Variants in AQP2 observed in about 807,000 individuals in gnomAD.
The protein encoded by AQP2 is aquaporin-2.
AQP2 carries 20 observed loss-of-function variants against 21.6 expected under a neutral mutation model. The observed-to-expected ratio is 0.92, with a 90% CI of 0.65 to 1.34. The LOEUF is 1.34. Among genes scored for constraint, AQP2 ranks in the 40% most tolerant of loss-of-function variants. AQP2 has a pLI of 0.00. For synonymous variants in AQP2, 168 were observed against 166.9 expected (o/e 1.01, Z -0.05); for missense variants, 325 against 363.4 (o/e 0.89, Z 0.86).
At chr12:49,955,049 G>T (rs1436446844) in intron 3 of AQP2, among the ~76,000 whole-genome samples, 2 of 152,204 alleles carry the variant, frequency 1.3e-5, no homozygotes, top group Non-Finnish European at 2.9e-5. Context: ...GGTGAGCCTT[G>T]TTCTGAGTGC....
chr12:49,952,321 T>C (rs532268541), intron 1 of AQP2, among the ~76,000 whole-genome samples: 1 of 152,188 alleles, frequency 6.6e-6, no homozygotes, highest in African/African-American at 2.4e-5. Context: ...TTGGTAAGGC[T>C]GGTTTCAAAC....
chr12:49,952,671 C>T (rs1419324901), intron 1 of AQP2, among the ~76,000 whole-genome samples: 1 of 152,210 alleles, frequency 6.6e-6, no homozygotes, highest in East Asian at 1.9e-4. Context: ...GACTGGGGCC[C>T]TCAGAAGAGA....
chr12:49,952,792 G>T (rs773333644), intron 1 of AQP2, among the ~76,000 whole-genome samples: 7 of 152,162 alleles, frequency 4.6e-5, no homozygotes, highest in South Asian at 2.1e-4. Flanking sequence ...CTTGCTCTGA[G>T]GCTAAGGAGA....
intron 1 of AQP2, among the ~76,000 whole-genome samples, chr12:49,952,440 T>TGGGGGCC (rs1261432668): frequency 6.6e-6 from 1 of 152,096 alleles, no homozygotes; most frequent in African/African-American, 2.4e-5. Context: ...ATGACAAGGC[T>TGGGGGCC]GGGGGCCAGG....
At chr12:49,954,102 C>T (rs1947348376) in intron 1 of AQP2, 53 bp from the exon 2 acceptor site, 2 of 1,595,148 alleles carry the variant, frequency 1.3e-6, no homozygotes, top group Admixed American at 1.7e-5. Flanking sequence ...AAGATGGAGC[C>T]AGAGAGGAAA....
chr12:49,954,530 G>T, intron 2 of AQP2, 100 bp from the exon 3 acceptor site: 2 of 1,409,624 alleles, frequency 1.4e-6, no homozygotes, highest in Non-Finnish European at 1.0e-6. Context: ...CCATCACGTG[G>T]GTTCCCTTTA....
intron 3 of AQP2, 72 bp from the exon 4 acceptor site, chr12:49,955,327 C>G: frequency 6.8e-7 from 1 of 1,478,492 alleles, no homozygotes. Flanking sequence ...GCAGAGTGTG[C>G]CGCCGGGGCC....
chr12:49,955,386 C>T lies in AQP2; in HGVS notation c.607-13C>T, dbSNP rs1209049438. On this transcript the variant is annotated splice_polypyrimidine_tract_variant and intron_variant, in intron 3 of 3. Coordinates refer to ENST00000199280, the MANE Select transcript of AQP2 (RefSeq NM_000486.6). The stretch of plus-strand genomic sequence containing the variant: ...GGCGCGGGTGCCAAGCCGCCCTCTC[C>T]GCTCGCCCCCAGGTCTTCTGGATCG... The T allele has an allele frequency of 6.2e-7, 1 of 1,610,312 alleles. No individual in the cohort carries two copies. Among genetic ancestry groups the T allele is most frequent in the South Asian group, 1.1e-5 (1 of 90,904 alleles).
Position 49,955,797 on chromosome 12 carries a change from C to T in AQP2, c.*189C>T, listed in dbSNP as rs1235608078. ...GGAGGCTGCCGGAGGGAGCCCTGAG[C>T]CTGGCAGGTCCCCTGCCCTGAGGCT... On this transcript the variant is annotated 3_prime_UTR_variant, in exon 4 of 4. Transcript: ENST00000199280. The T allele has an allele frequency of 3.7e-6, 3 of 802,686 alleles. No homozygotes were observed. In the Admixed American group the frequency reaches 6.1e-5, roughly 16 times the overall value. 49.7% of individuals were successfully genotyped at this position (802,686 alleles called of 1,614,324 possible).
intron 1 of AQP2, among the ~76,000 whole-genome samples, chr12:49,953,308 C>T (rs2137146532): frequency 6.6e-6 from 1 of 152,292 alleles, no homozygotes; most frequent in African/African-American, 2.4e-5. Flanking sequence ...TGTCACTGTT[C>T]CACCCAGTGC....
In AQP2 at chr12:49,958,197, C is replaced by T. The variant is rs1464879084; in HGVS notation, c.*2589C>T. 2 of 152,220 alleles carry T rather than the reference C, an allele frequency of 1.3e-5. No homozygotes were observed. Among genetic ancestry groups the T allele is most frequent in the East Asian group, 1.9e-4 (1 of 5,198 alleles). The allele number at this position is 152,220 out of a possible 1,614,324, so 9.4% of individuals were successfully genotyped here. On this transcript the variant is annotated 3_prime_UTR_variant, in exon 4 of 4. Transcript: ENST00000199280. ...TGCTATTTCCAAAGCTTCCCCTTAT[C>T]GTCCCCTGTGATTATCTCCCAACCC...
At chr12:49,953,996 A>T in intron 1 of AQP2, 159 bp from the exon 2 acceptor site, 1 of 1,048,594 alleles carries the variant, frequency 9.5e-7, no homozygotes, top group Non-Finnish European at 1.4e-6. Flanking sequence ...GCCCAGGAAG[A>T]AGGGATCAGT....
intron 1 of AQP2, among the ~76,000 whole-genome samples, chr12:49,953,225 G>A (rs1369933608): frequency 6.6e-6 from 1 of 152,326 alleles, no homozygotes; most frequent in Non-Finnish European, 1.5e-5. Flanking sequence ...AGAGACCCAA[G>A]GGTTCTGACC....
rs144253988 is a variant in AQP2, at chr12:49,951,169, C to T, written c.339C>T (p.Arg113=). 2.3e-5 allele frequency: 37 copies of T among 1,605,470 alleles called. No individual in the cohort carries two copies. Among genetic ancestry groups the T allele is most frequent in the South Asian group, 1.1e-4 (10 of 89,794 alleles). The stretch of plus-strand genomic sequence containing the variant: ...ATGAGATCACGCCAGCAGACATCCG[C>T]GGGGACCTGGCTGTCAATGCTGTGA... ...LLHEITPADI[R]GDLAVNALSN... Residue 113 remains arginine (R), a synonymous_variant, in exon 1 of 4, where the codon CGC becomes CGT. Transcript: ENST00000199280.
Position 49,950,765 on chromosome 12 carries a change from C to T in AQP2, c.-66C>T, listed in dbSNP as rs143249649. 1.5e-5 allele frequency: 23 copies of T among 1,571,764 alleles called. No individual in the cohort carries two copies. Among genetic ancestry groups the T allele is most frequent in the South Asian group, 2.3e-5 (2 of 88,510 alleles). On this transcript the variant is annotated 5_prime_UTR_variant, in exon 1 of 4. Coordinates refer to ENST00000199280, the MANE Select transcript of AQP2 (RefSeq NM_000486.6). The stretch of plus-strand genomic sequence containing the variant: ...CCTTGAGAAAGAGAGCGATAGAGTG[C>T]GAGAGCGAGTGCCCGGAGCATCCTG...
At chr12:49,951,481 A>C in intron 1 of AQP2, 1 of 495,390 alleles carries the variant, frequency 2.0e-6, no homozygotes, top group Non-Finnish European at 3.6e-6. Context: ...CATTACAGTG[A>C]AGACAGGGCT....
chr12:49,955,660 A>G lies in AQP2; in HGVS notation c.*52A>G. 6.6e-7 allele frequency: 1 copy of G among 1,523,864 alleles called. No individual in the cohort carries two copies. Among genetic ancestry groups the G allele is most frequent in the Non-Finnish European group, 8.8e-7 (1 of 1,137,554 alleles). The allele number at this position is 1,523,864 out of a possible 1,614,324, so 94.4% of individuals were successfully genotyped here. A position where few individuals can be genotyped will look rare whatever the true frequency, so the allele number is the denominator to read the frequency against. ...GACGGACGCTTGTGAGGCCCGAGGC[A>G]GAAGGGCCCACCCCGTCCCTCCTCT... On this transcript the variant is annotated 3_prime_UTR_variant, in exon 4 of 4. Coordinates refer to ENST00000199280, the MANE Select transcript of AQP2 (RefSeq NM_000486.6).
intron 1 of AQP2, among the ~76,000 whole-genome samples, chr12:49,953,203 G>T (rs984700255): frequency 6.6e-6 from 1 of 152,212 alleles, no homozygotes; most frequent in Non-Finnish European, 1.5e-5. Context: ...AGGGATTGAG[G>T]TTAGACCCTA....
In AQP2 at chr12:49,955,438, T is replaced by C. The variant is rs104894329; in HGVS notation, c.646T>C (p.Ser216Pro). 1.9e-6 allele frequency: 3 copies of C among 1,612,646 alleles called. No homozygotes were observed. Among genetic ancestry groups the C allele is most frequent in the Non-Finnish European group, 2.5e-6 (3 of 1,179,784 alleles). ...ACCCCTGGTGGGCGCCATCCTGGGC[T>C]CCCTCCTCTACAACTACGTGCTGTT... ...IGPLVGAILG[S>P]LLYNYVLFPP... Residue 216 changes from serine to proline, a missense_variant, in exon 4 of 4, where the codon TCC becomes CCC. Transcript: ENST00000199280.
Sources: gnomAD v4.1 joint callset for allele counts (sites outside exome capture counted in the v4.1 genomes callset) on GRCh38, gnomAD v4.1.1 for gene constraint, MANE v1.5 for transcripts, NCBI Gene and HGNC (gene_info 2026-07-23, HGNC 2026-07-21) for gene names.